The following LRMDA variants were observed in gnomAD, a reference collection of about 807,000 sequenced individuals.
LRMDA encodes the protein leucine rich melanocyte differentiation associated, also known as leucine-rich melanocyte differentiation-associated protein.
LRMDA carries 18 observed loss-of-function variants against 29.8 expected under a neutral mutation model. The ratio of observed to expected loss-of-function variants is 0.60; its 90% CI spans 0.42 to 0.90. LRMDA has a LOEUF of 0.90. Ranked by LOEUF, LRMDA falls within the 40% of genes least tolerant of loss-of-function variation. The pLI, the probability that LRMDA is intolerant of heterozygous loss-of-function variation, is 0.00. For missense variants in LRMDA, 273 were observed against 273.9 expected (o/e 1.00, Z 0.02); for synonymous variants, 125 against 109.4 (o/e 1.14, Z -0.89).
intron 2 of LRMDA, among the ~76,000 whole-genome samples, chr10:75,714,863 C>CTTCCTTCCTTCCTTCCTTCCTTCT (rs1842480946): frequency 7.2e-6 from 1 of 138,598 alleles, no homozygotes; most frequent in African/African-American, 2.8e-5. Flanking sequence ...CCCTCCCTTC[C>CTTCCTTCCTTCCTTCCTTCCTTCT]TTCCTTCCTT....
intron 5 of LRMDA, among the ~76,000 whole-genome samples, chr10:76,074,389 CCTT>C (rs1282503693): frequency 1.3e-5 from 2 of 152,142 alleles, no homozygotes; most frequent in Admixed American, 6.5e-5. Flanking sequence ...ACATCTACCT[CCTT>C]CTTGTGCAGC....
In LRMDA at chr10:76,354,804, C is replaced by A. The variant is rs536518946; in HGVS notation, c.601+30319C>A. 2.7e-4 allele frequency among the ~76,000 whole-genome samples: 41 copies of A among 152,264 alleles called. 1 individual carries two copies. The South Asian group carries it at 3.1e-3, about 12-fold the overall frequency. On this transcript the variant is annotated intron_variant, in intron 6 of 6. Transcript: ENST00000611255. ...GATATTTATCACCTCCAACATTTAT[C>A]ATTTCTGCGTGTTAGGAACATTTCA...
intron 4 of LRMDA, among the ~76,000 whole-genome samples, chr10:76,055,917 CTG>C (rs1374487431): frequency 6.6e-6 from 1 of 152,236 alleles, no homozygotes; most frequent in African/African-American, 2.4e-5. Flanking sequence ...GCTCTTCTCT[CTG>C]TCTCATCACC....
At chr10:75,567,496 T>C (rs1384642380) in intron 2 of LRMDA, among the ~76,000 whole-genome samples, 1 of 152,256 alleles carries the variant, frequency 6.6e-6, no homozygotes, top group East Asian at 1.9e-4. Flanking sequence ...CAAATGATCT[T>C]CCTTTTTTTG....
At chr10:76,275,160 T>A (rs1198924149) in intron 5 of LRMDA, among the ~76,000 whole-genome samples, 1 of 152,118 alleles carries the variant, frequency 6.6e-6, no homozygotes, top group East Asian at 1.9e-4. Context: ...AGGCTATATA[T>A]GATTTACATA....
intron 6 of LRMDA, among the ~76,000 whole-genome samples, chr10:76,450,917 T>C (rs992869676): frequency 5.9e-5 from 9 of 152,188 alleles, no homozygotes; most frequent in African/African-American, 1.7e-4. Context: ...CATGTAAAAA[T>C]AAAATTTCAA....
intron 2 of LRMDA, among the ~76,000 whole-genome samples, chr10:75,718,251 C>G (rs913747944): frequency 6.6e-6 from 1 of 152,176 alleles, no homozygotes; most frequent in Non-Finnish European, 1.5e-5. Context: ...TCTGCTTCAT[C>G]CTGCAGGTCT....
chr10:76,023,269 G>A (rs1848008195), intron 2 of LRMDA, among the ~76,000 whole-genome samples: 1 of 152,036 alleles, frequency 6.6e-6, no homozygotes, highest in Non-Finnish European at 1.5e-5. Context: ...TTTATCTTTT[G>A]CCCTCTGAGC....
At chr10:76,167,033 GT>G (rs1410991886) in intron 5 of LRMDA, among the ~76,000 whole-genome samples, 1 of 152,044 alleles carries the variant, frequency 6.6e-6, no homozygotes, top group Non-Finnish European at 1.5e-5. Flanking sequence ...TCTCATTGTG[GT>G]TTTAATTTGC....
At chr10:76,002,957 GTTTA>G (rs1226782908) in intron 2 of LRMDA, among the ~76,000 whole-genome samples, 3 of 152,272 alleles carry the variant, frequency 2.0e-5, no homozygotes, top group African/African-American at 7.2e-5. Context: ...ACAATCTGCA[GTTTA>G]TTTATTTATT....
intron 2 of LRMDA, among the ~76,000 whole-genome samples, chr10:75,738,297 C>T (rs1842790102): frequency 6.6e-6 from 1 of 152,082 alleles, no homozygotes; most frequent in Non-Finnish European, 1.5e-5. Context: ...AGCTTCAGGT[C>T]ATCCAAGCCA....
chr10:75,579,403 C>G (rs192819338), intron 2 of LRMDA, among the ~76,000 whole-genome samples: 5 of 152,318 alleles, frequency 3.3e-5, no homozygotes, highest in African/African-American at 1.2e-4. Flanking sequence ...AGACCAATAA[C>G]AAGTTCTGAA....
At chr10:76,269,816 A>G (rs1442418906) in intron 5 of LRMDA, among the ~76,000 whole-genome samples, 1 of 152,220 alleles carries the variant, frequency 6.6e-6, no homozygotes, top group East Asian at 1.9e-4. Flanking sequence ...AAAGGTGGAA[A>G]TAAGTTCAGA....
intron 2 of LRMDA, among the ~76,000 whole-genome samples, chr10:75,593,965 G>A (rs1451884510): frequency 1.3e-5 from 2 of 152,350 alleles, no homozygotes; most frequent in East Asian, 3.9e-4. Context: ...GCCCTGCAGT[G>A]TGTGCTTGAC....
intron 2 of LRMDA, among the ~76,000 whole-genome samples, chr10:75,550,807 A>C (rs528222149): frequency 6.6e-6 from 1 of 152,128 alleles, no homozygotes; most frequent in South Asian, 2.1e-4. Context: ...ACTGGCTTAT[A>C]AGTTTACTCC....
At chr10:76,229,703 T>C (rs1309785475) in intron 5 of LRMDA, among the ~76,000 whole-genome samples, 1 of 152,080 alleles carries the variant, frequency 6.6e-6, no homozygotes, top group Non-Finnish European at 1.5e-5. Context: ...CCCCCACACT[T>C]TGAGGTATCT....
At chr10:75,923,885 T>C (rs1270212921) in intron 2 of LRMDA, among the ~76,000 whole-genome samples, 1 of 152,126 alleles carries the variant, frequency 6.6e-6, no homozygotes, top group Non-Finnish European at 1.5e-5. Context: ...GACCAGGATG[T>C]AGGCCAAGTG....
intron 6 of LRMDA, among the ~76,000 whole-genome samples, chr10:76,371,270 C>T (rs1206712547): frequency 3.3e-5 from 5 of 152,130 alleles, no homozygotes; most frequent in South Asian, 4.1e-4. Context: ...CATGAAAATT[C>T]GAGGTAGTGG....
At chr10:76,061,858 C>A (rs1373929009) in intron 5 of LRMDA, among the ~76,000 whole-genome samples, 1 of 152,078 alleles carries the variant, frequency 6.6e-6, no homozygotes, top group African/African-American at 2.4e-5. Flanking sequence ...AGGCAGTTCC[C>A]TTTTGTCTGT....
Sources: allele counts gnomAD v4.1 joint callset (sites outside exome capture counted in the v4.1 genomes callset), GRCh38; gene constraint gnomAD v4.1.1; transcripts MANE v1.5; gene names NCBI Gene and HGNC (gene_info 2026-07-23, HGNC 2026-07-21).